Variants in MBD5 observed in about 807,000 individuals in gnomAD.
MBD5 encodes the protein methyl-CpG binding domain protein 5.
A neutral mutation model predicts 117.3 loss-of-function variants in MBD5; 13 were observed. That is an observed-to-expected ratio of 0.11 (90% CI 0.07 to 0.18). MBD5 has a LOEUF of 0.18. Ranked by LOEUF, MBD5 falls within the 10% of genes least tolerant of loss-of-function variation. The pLI is 1.00. For missense variants in MBD5, 1,879 were observed against 2,093.8 expected (o/e 0.90, Z 2.00); for synonymous variants, 727 against 766.4 (o/e 0.95, Z 0.85).
intron 4 of MBD5, among the ~76,000 whole-genome samples, chr2:148,379,642 G>C (rs1270695818): frequency 4.6e-5 from 7 of 152,028 alleles, no homozygotes; most frequent in Non-Finnish European, 5.9e-5. Flanking sequence ...CACCATTACT[G>C]CTGCTATTAA....
intron 4 of MBD5, among the ~76,000 whole-genome samples, chr2:148,386,750 A>G (rs1351516744): frequency 6.6e-6 from 1 of 150,430 alleles, no homozygotes; most frequent in Non-Finnish European, 1.5e-5. Context: ...AAAAGAAGAT[A>G]CTTTATGCCA....
intron 1 of MBD5, among the ~76,000 whole-genome samples, chr2:148,100,549 T>C (rs572804993): frequency 4.7e-4 from 71 of 152,166 alleles, no homozygotes; most frequent in Non-Finnish European, 1.0e-3. Flanking sequence ...GGGTCTCAAC[T>C]TGAGGACTAG....
At chr2:148,085,584 C>CCTT (rs1274778911) in intron 1 of MBD5, among the ~76,000 whole-genome samples, 1 of 151,342 alleles carries the variant, frequency 6.6e-6, no homozygotes, top group Non-Finnish European at 1.5e-5. Context: ...ATTAGCCGGG[C>CCTT]GTAGTGGCGG....
chr2:148,246,756 T>C, intron 3 of MBD5, among the ~76,000 whole-genome samples: 1 of 74,810 alleles, frequency 1.3e-5, no homozygotes, highest in Admixed American at 2.5e-4. Flanking sequence ...AGAGTGAGAC[T>C]CCATCTCAAA....
At chr2:148,187,542 A>AG (rs1240577483) in intron 2 of MBD5, among the ~76,000 whole-genome samples, 4 of 152,190 alleles carry the variant, frequency 2.6e-5, no homozygotes, top group Admixed American at 6.5e-5. Flanking sequence ...TAAAGAGAAA[A>AG]GTCATAAAAG....
At chr2:148,279,670 T>G (rs946859017) in intron 3 of MBD5, among the ~76,000 whole-genome samples, 8 of 152,248 alleles carry the variant, frequency 5.3e-5, no homozygotes, top group Non-Finnish European at 7.3e-5. Context: ...TAGCTCTAGA[T>G]GTATCTCATC....
intron 3 of MBD5, chr2:148,264,048 A>G (rs984614871): frequency 6.6e-6 from 1 of 152,214 alleles, no homozygotes; most frequent in African/African-American, 2.4e-5. Context: ...AGTGTTCAAG[A>G]TAATGGAGAT....
intron 4 of MBD5, among the ~76,000 whole-genome samples, chr2:148,397,583 C>T (rs1704764022): frequency 6.6e-6 from 1 of 152,186 alleles, no homozygotes; most frequent in Non-Finnish European, 1.5e-5. Flanking sequence ...CCCGCCTCGG[C>T]CTCCCAAAGT....
At chr2:148,084,788 A>G (rs1283082314) in intron 1 of MBD5, among the ~76,000 whole-genome samples, 1 of 152,208 alleles carries the variant, frequency 6.6e-6, no homozygotes, top group Non-Finnish European at 1.5e-5. Flanking sequence ...ATTTTCATTT[A>G]GTGATGGCTG....
intron 4 of MBD5, among the ~76,000 whole-genome samples, chr2:148,365,617 T>C (rs1046614199): frequency 7.9e-5 from 12 of 151,856 alleles, no homozygotes; most frequent in Admixed American, 2.0e-4. Flanking sequence ...AAGAATCAAA[T>C]AGACACAATA....
intron 3 of MBD5, among the ~76,000 whole-genome samples, chr2:148,295,068 G>A (rs1406498766): frequency 6.6e-6 from 1 of 152,126 alleles, no homozygotes; most frequent in Non-Finnish European, 1.5e-5. Context: ...AGCTTCTTCA[G>A]TAGGTCAGTT....
At chr2:148,271,752 C>T (rs997778030) in intron 3 of MBD5, among the ~76,000 whole-genome samples, 1 of 151,740 alleles carries the variant, frequency 6.6e-6, no homozygotes, top group African/African-American at 2.4e-5. Context: ...AGCTAGTTAG[C>T]ATATGCATTA....
At chr2:148,029,861 A>G (rs978487609) in intron 1 of MBD5, among the ~76,000 whole-genome samples, 1 of 152,208 alleles carries the variant, frequency 6.6e-6, no homozygotes, top group Non-Finnish European at 1.5e-5. Context: ...TATAAGAGGT[A>G]TAAGTAACAG....
intron 1 of MBD5, among the ~76,000 whole-genome samples, chr2:148,144,308 T>C (rs1170591567): frequency 6.6e-6 from 1 of 152,092 alleles, no homozygotes; most frequent in African/African-American, 2.4e-5. Flanking sequence ...GTTTTTTTCT[T>C]GTAAATTTGT....
rs756615692 is a variant in MBD5, at chr2:148,458,790, A to G, written c.32A>G (p.Asp11Gly). The G allele has an allele frequency of 2.2e-5, 35 of 1,613,548 alleles. No homozygotes were observed. Among genetic ancestry groups the G allele is most frequent in the Non-Finnish European group, 3.0e-5 (35 of 1,179,696 alleles). Reference protein sequence around the residue: MNGGKECDGGDKEGGLPAIQV... With the variant: MNGGKECDGGGKEGGLPAIQV... ...GGAGGCAAAGAGTGTGACGGAGGGG[A>G]CAAGGAAGGAGGTCTTCCAGCTATA... Residue 11 changes from aspartate (D) to glycine (G), a missense_variant, in exon 5 of 14, where the codon GAC (aspartate) becomes GGC (glycine). Asp to Gly is a moderately conservative substitution (Grantham distance 94, BLOSUM62 -1). This residue lies in a region of MBD5 where 71 missense variants were observed against 129.2 expected (regional missense o/e 0.55). Coordinates refer to ENST00000642680, the MANE Select transcript of MBD5 (RefSeq NM_001378120.1).
At chr2:148,323,927 T>C (rs1411959427) in intron 3 of MBD5, among the ~76,000 whole-genome samples, 2 of 152,216 alleles carry the variant, frequency 1.3e-5, no homozygotes, top group Non-Finnish European at 1.5e-5. Context: ...CATGCCTATG[T>C]CTTGAATGGT....
chr2:148,435,225 T>C (rs1238305), intron 4 of MBD5, among the ~76,000 whole-genome samples: 1 of 152,202 alleles, frequency 6.6e-6, no homozygotes, highest in Non-Finnish European at 1.5e-5. Flanking sequence ...AGCTTGCCAT[T>C]CTGTGCCTTT....
chr2:148,265,084 A>ACACACACACACAC (rs34596939), intron 3 of MBD5: 2 of 144,866 alleles, frequency 1.4e-5, no homozygotes, highest in Non-Finnish European at 3.1e-5. Flanking sequence ...CACACACACA[A>ACACACACACACAC]ACACACATAT....
intron 4 of MBD5, among the ~76,000 whole-genome samples, chr2:148,399,944 G>A (rs889355206): frequency 6.6e-6 from 1 of 152,068 alleles, no homozygotes; most frequent in Non-Finnish European, 1.5e-5. Flanking sequence ...CTGTTTATAT[G>A]CTGGATTACG....
Sources: allele counts gnomAD v4.1 joint callset (sites outside exome capture counted in the v4.1 genomes callset), GRCh38; gene constraint gnomAD v4.1.1; regional missense constraint gnomAD v4.1.1; transcripts MANE v1.5; gene names NCBI Gene and HGNC (gene_info 2026-07-23, HGNC 2026-07-21).